Variants in ERBB4 observed in about 807,000 individuals in gnomAD.
The protein encoded by ERBB4 is receptor tyrosine-protein kinase erbB-4.
Under a neutral mutation model 158.0 loss-of-function variants are expected in ERBB4, and 42 were observed. The ratio of observed to expected loss-of-function variants is 0.27; its 90% CI spans 0.21 to 0.34. The LOEUF (loss-of-function observed/expected upper bound fraction) is 0.34, where lower values mean the gene tolerates loss of function less well. Among genes scored for constraint, ERBB4 ranks in the 10% least tolerant of loss-of-function variants. ERBB4 has a pLI of 1.00. For missense variants in ERBB4, 1,333 were observed against 1,624.1 expected, an observed-to-expected ratio of 0.82 and a Z score of 3.08; for synonymous variants, 583 against 558.7, an observed-to-expected ratio of 1.04 and a Z score of -0.61.
intron 1 of ERBB4, among the ~76,000 whole-genome samples, chr2:212,164,623 G>A (rs2125655892): frequency 6.6e-6 from 1 of 152,066 alleles, no homozygotes. Flanking sequence ...ATTTCTTCCT[G>A]CTGTTAAGCG....
At chr2:211,695,169 C>G (rs2072966982) in intron 12 of ERBB4, among the ~76,000 whole-genome samples, 1 of 152,132 alleles carries the variant, frequency 6.6e-6, no homozygotes. Context: ...GATATACCTT[C>G]CATTCCCTAC....
chr2:211,652,211 G>A (rs1477377339), intron 16 of ERBB4, among the ~76,000 whole-genome samples: 2 of 152,096 alleles, frequency 1.3e-5, no homozygotes, highest in Non-Finnish European at 2.9e-5. Context: ...GATAACCTTG[G>A]TATTTTATGG....
chr2:211,864,334 A>G (rs1308577608), intron 3 of ERBB4, among the ~76,000 whole-genome samples: 1 of 152,070 alleles, frequency 6.6e-6, no homozygotes, highest in Non-Finnish European at 1.5e-5. Context: ...TCCTACCCTG[A>G]ACCCACATGA....
chr2:211,621,808 A>C (rs902633019), intron 18 of ERBB4, among the ~76,000 whole-genome samples: 1 of 152,184 alleles, frequency 6.6e-6, no homozygotes, highest in Non-Finnish European at 1.5e-5. Context: ...CTTCATAAAC[A>C]CATAAATTTG....
chr2:211,677,195 T>C (rs1211957389), intron 13 of ERBB4, among the ~76,000 whole-genome samples: 1 of 152,184 alleles, frequency 6.6e-6, no homozygotes, highest in African/African-American at 2.4e-5. Context: ...ATGTTATTTA[T>C]TGGATCCAGT....
intron 20 of ERBB4, among the ~76,000 whole-genome samples, chr2:211,473,785 T>C (rs1212018031): frequency 6.6e-6 from 1 of 151,994 alleles, no homozygotes; most frequent in East Asian, 1.9e-4. Context: ...ACCCAAAATG[T>C]GGTACAGTAG....
intron 3 of ERBB4, among the ~76,000 whole-genome samples, chr2:211,891,721 G>A (rs1313154654): frequency 1.4e-5 from 2 of 138,008 alleles, no homozygotes. Context: ...ATGATAAACG[G>A]GATATCACCA....
intron 1 of ERBB4, among the ~76,000 whole-genome samples, chr2:212,222,793 AC>A (rs1282901429): frequency 6.6e-6 from 1 of 151,498 alleles, no homozygotes; most frequent in Admixed American, 6.6e-5. Context: ...GGGGGTTGTT[AC>A]GTGTTTAATG....
At chr2:211,709,913 C>G (rs955710666) in intron 9 of ERBB4, among the ~76,000 whole-genome samples, 1 of 151,996 alleles carries the variant, frequency 6.6e-6, no homozygotes, top group East Asian at 1.9e-4. Flanking sequence ...TCAGCTGTTC[C>G]TCTGCTTTTT....
intron 1 of ERBB4, among the ~76,000 whole-genome samples, chr2:212,308,664 G>C (rs2086905660): frequency 6.6e-6 from 1 of 150,932 alleles, no homozygotes; most frequent in Non-Finnish European, 1.5e-5. Context: ...ATGATCACTA[G>C]AAAAAAGGCT....
At chr2:212,254,739 A>C (rs956550756) in intron 1 of ERBB4, among the ~76,000 whole-genome samples, 2 of 152,190 alleles carry the variant, frequency 1.3e-5, no homozygotes, top group African/African-American at 4.8e-5. Flanking sequence ...AATATTGTGA[A>C]TATTCAGGAT....
chr2:211,517,466 AT>A (rs1218072013), intron 20 of ERBB4, among the ~76,000 whole-genome samples: 1 of 152,186 alleles, frequency 6.6e-6, no homozygotes, highest in Non-Finnish European at 1.5e-5. Flanking sequence ...AGTTTCCTGT[AT>A]CTTTTCTAAA....
In ERBB4 at chr2:211,379,887, A is replaced by G; in HGVS notation, c.*3728T>C. On this transcript the variant is annotated 3_prime_UTR_variant, in exon 28 of 28. Transcript: ENST00000342788. ...ATTTTCTTTTCATTTTTGATACTTCAAGAAGCACATTAATAGTCCTTCCAA... is the reference window on the plus strand; with the variant it reads ...ATTTTCTTTTCATTTTTGATACTTCGAGAAGCACATTAATAGTCCTTCCAA... The G allele has an allele frequency of 4.3e-6, 1 of 232,062 alleles. No individual in the cohort carries two copies. The highest frequency in any genetic ancestry group is 1.8e-4 in the South Asian group (1 of 5,514). The allele number at this position is 232,062 out of a possible 1,614,324, so 14.4% of individuals were successfully genotyped here.
chr2:211,956,939 TC>T (rs1182104238), intron 2 of ERBB4, among the ~76,000 whole-genome samples: 1 of 151,982 alleles, frequency 6.6e-6, no homozygotes, highest in African/African-American at 2.4e-5. Flanking sequence ...GTTCAAGAGA[TC>T]CTCCCACCTC....
intron 9 of ERBB4, among the ~76,000 whole-genome samples, chr2:211,708,113 CACAA>C (rs1238112535): frequency 6.6e-6 from 1 of 152,022 alleles, no homozygotes; most frequent in Non-Finnish European, 1.5e-5. Flanking sequence ...CACATACACA[CACAA>C]ACACACATTA....
chr2:211,573,665 G>A (rs377576923), intron 19 of ERBB4, among the ~76,000 whole-genome samples: 52 of 150,212 alleles, frequency 3.5e-4, no homozygotes, highest in African/African-American at 9.1e-4. Flanking sequence ...GCGAGACTCC[G>A]TCTCAAAAAA....
chr2:212,102,112 A>ATATATATATATATATATC (rs2079103638), intron 2 of ERBB4, among the ~76,000 whole-genome samples: 1 of 144,490 alleles, frequency 6.9e-6, no homozygotes, highest in African/African-American at 2.5e-5. Context: ...ATATATATAT[A>ATATATATATATATATATC]TGTCAGGTCA....
At chr2:212,007,279 A>G (rs1346615228) in intron 2 of ERBB4, among the ~76,000 whole-genome samples, 1 of 151,906 alleles carries the variant, frequency 6.6e-6, no homozygotes, top group Non-Finnish European at 1.5e-5. Context: ...TTTTAAAATT[A>G]AATAAGGAAG....
intron 3 of ERBB4, among the ~76,000 whole-genome samples, chr2:211,861,002 AT>A (rs1559584897): frequency 3.8e-5 from 1 of 26,506 alleles, no homozygotes; most frequent in African/African-American, 4.9e-4. Flanking sequence ...ATAATATATT[AT>A]ATATTTATAT....
Sources: gnomAD v4.1 joint callset for allele counts (sites outside exome capture counted in the v4.1 genomes callset) on GRCh38, gnomAD v4.1.1 for gene constraint, MANE v1.5 for transcripts, NCBI Gene and HGNC (gene_info 2026-07-23, HGNC 2026-07-21) for gene names.